The following CAPN1 variants were observed in gnomAD, a reference collection of about 807,000 sequenced individuals.
The protein encoded by CAPN1 is calpain-1 catalytic subunit.
In CAPN1, 77 loss-of-function variants were observed where a neutral mutation model predicts 105.2. The ratio of observed to expected loss-of-function variants is 0.73; its 90% CI spans 0.61 to 0.88. The LOEUF is 0.88. Ranked by LOEUF, CAPN1 falls within the 40% of genes least tolerant of loss-of-function variation. The pLI, the probability that CAPN1 is intolerant of heterozygous loss-of-function variation, is 0.00. For missense variants in CAPN1, 833 were observed against 976.6 expected, an observed-to-expected ratio of 0.85 and a Z score of 1.96; for synonymous variants, 355 against 388.8, an observed-to-expected ratio of 0.91 and a Z score of 1.02.
intron 11 of CAPN1, among the ~76,000 whole-genome samples, chr11:65,205,168 G>C (rs17886824): frequency 6.6e-6 from 1 of 152,224 alleles, no homozygotes. Context: ...ATGCCTGGGA[G>C]TACTGAGCCC....
At chr11:65,207,101 C>G (rs1948972539) in intron 14 of CAPN1, among the ~76,000 whole-genome samples, 1 of 152,146 alleles carries the variant, frequency 6.6e-6, no homozygotes, top group African/African-American at 2.4e-5. Context: ...TCAACCCTGT[C>G]CGGGTCTTGT....
intron 10 of CAPN1, among the ~76,000 whole-genome samples, chr11:65,200,029 A>G (rs934956821): frequency 6.6e-6 from 1 of 152,124 alleles, no homozygotes; most frequent in African/African-American, 2.4e-5. Flanking sequence ...AATGCCACCA[A>G]TCCAGAACAC....
chr11:65,195,656 G>C (rs982203723), intron 10 of CAPN1, among the ~76,000 whole-genome samples: 1 of 151,994 alleles, frequency 6.6e-6, no homozygotes, highest in Non-Finnish European at 1.5e-5. Context: ...GGAGGGGGTG[G>C]ATTTTTGCAT....
At chr11:65,187,148 G>T in intron 6 of CAPN1, 67 bp from the exon 7 acceptor site, 1 of 1,179,650 alleles carries the variant, frequency 8.5e-7, no homozygotes. Flanking sequence ...GACCCTGAGT[G>T]CTGGGGGCTC....
chr11:65,193,751 T>C (rs1051070456), intron 10 of CAPN1, among the ~76,000 whole-genome samples: 2 of 151,768 alleles, frequency 1.3e-5, no homozygotes, highest in Admixed American at 1.3e-4. Flanking sequence ...GGTCTTGCTC[T>C]ATTGCCCAGG....
intron 10 of CAPN1, among the ~76,000 whole-genome samples, 175 bp from the exon 11 acceptor site, chr11:65,204,508 C>G (rs1353971360): frequency 3.9e-5 from 6 of 152,196 alleles, no homozygotes; most frequent in Non-Finnish European, 8.8e-5. Context: ...AAATGCAGGC[C>G]GTGAGGGCAT....
upstream of CAPN1, chr11:65,181,580 C>T: frequency 2.4e-6 from 1 of 415,722 alleles, no homozygotes; most frequent in Non-Finnish European, 4.8e-6. This position sits in a 1 kb window ranked among gnomAD's most constrained non-coding sequence, Gnocchi z 4.6. Context: ...CCGTCCGGCC[C>T]TGCAACTCGA....
In CAPN1 at chr11:65,206,836, C is replaced by A; in HGVS notation, c.1605+17C>A. On this transcript the variant is annotated intron_variant, in intron 14 of 21. Transcript: ENST00000279247. ...CCCGATGAGGTGCGTGGTCCCACCCCACCAGGCCCCGTCCTCCTCTCTTCC... is the reference window on the plus strand; with the variant it reads ...CCCGATGAGGTGCGTGGTCCCACCCAACCAGGCCCCGTCCTCCTCTCTTCC... 1 of 1,607,436 alleles carries A rather than the reference C, an allele frequency of 6.2e-7. No homozygotes were observed. Among genetic ancestry groups the A allele is most frequent in the East Asian group, 2.2e-5 (1 of 44,582 alleles).
intron 10 of CAPN1, among the ~76,000 whole-genome samples, chr11:65,195,099 GGTTTT>G (rs1948772807): frequency 8.2e-6 from 1 of 121,830 alleles, no homozygotes. Flanking sequence ...AGTTTTTTGG[GGTTTT>G]TTTTTTTTTT....
At chr11:65,187,418 C>T (rs1948650651) in intron 7 of CAPN1, 120 bp downstream of exon 7, 1 of 676,168 alleles carries the variant, frequency 1.5e-6, no homozygotes, top group African/African-American at 1.8e-5. Context: ...CCTCCTGCAG[C>T]ACCTTATCTC....
intron 13 of CAPN1, 22 bp from the exon 14 acceptor site, chr11:65,206,758 C>T: frequency 6.2e-7 from 1 of 1,612,650 alleles, no homozygotes; most frequent in Non-Finnish European, 8.5e-7. Flanking sequence ...TGACTGGCTC[C>T]TTTCCTCCCC....
chr11:65,189,722 CCATT>C (rs372720643), intron 10 of CAPN1, among the ~76,000 whole-genome samples: 84 of 152,316 alleles, frequency 5.5e-4, no homozygotes, highest in African/African-American at 1.9e-3. Flanking sequence ...GGCTTGGGAA[CCATT>C]GAGTGTGGCA....
In CAPN1 at chr11:65,210,704, G is replaced by A. The variant is rs1018419912; in HGVS notation, c.2060-110G>A. The A allele has an allele frequency of 4.7e-5, 42 of 890,386 alleles. 1 individual carries two copies. Among genetic ancestry groups the A allele is most frequent in the South Asian group, 1.6e-4 (12 of 74,836 alleles). 55.2% of individuals were successfully genotyped at this position (890,386 alleles called of 1,614,324 possible). A position where few individuals can be genotyped will look rare whatever the true frequency, so the allele number is the denominator to read the frequency against. ...CCAGCTTCAAGGGGTGTCAGCTTGCGGTACTGTGGGGAGGTAGAGAGGGAC... is the reference window on the plus strand; with the variant it reads ...CCAGCTTCAAGGGGTGTCAGCTTGCAGTACTGTGGGGAGGTAGAGAGGGAC... On this transcript the variant is annotated intron_variant, in intron 20 of 21. Coordinates refer to ENST00000279247, the MANE Select transcript of CAPN1 (RefSeq NM_005186.4). This position sits in a 1 kb window ranked among gnomAD's most constrained non-coding sequence, Gnocchi z 4.3.
intron 10 of CAPN1, among the ~76,000 whole-genome samples, chr11:65,199,054 C>T (rs1256934181): frequency 1.3e-5 from 2 of 152,148 alleles, no homozygotes; most frequent in African/African-American, 4.8e-5. Context: ...AGGCTAGTCT[C>T]GAACACCTGG....
In CAPN1 at chr11:65,188,209, GC is replaced by G; in HGVS notation, c.929+173del. The G allele has an allele frequency of 1.5e-6, 1 of 683,984 alleles. No individual in the cohort carries two copies. The highest frequency in any genetic ancestry group is 2.5e-6 in the Non-Finnish European group (1 of 405,116). 42.4% of individuals were successfully genotyped at this position (683,984 alleles called of 1,614,324 possible). A position where few individuals can be genotyped will look rare whatever the true frequency, so the allele number is the denominator to read the frequency against. On this transcript the variant is annotated intron_variant, in intron 8 of 21. Transcript: ENST00000279247. The surrounding 1 kb of genome is among the most constrained non-coding windows in gnomAD (Gnocchi z 5.5). ...CTCTGACAAAGCTCAGGCCGTGCGG[GC>G]CCCTGTGCCCAGCCGTCGGGTGTGT...
chr11:65,188,224 C>T lies in CAPN1; in HGVS notation c.929+184C>T, dbSNP rs566828162. 2.5e-4 allele frequency: 168 copies of T among 683,016 alleles called. 2 individuals carry two copies. The South Asian group carries it at 2.9e-3, about 12-fold the overall frequency. 42.3% of individuals were successfully genotyped at this position (683,016 alleles called of 1,614,324 possible). ...GGCCGTGCGGGCCCCTGTGCCCAGC[C>T]GTCGGGTGTGTGCAGGGCATCAGAC... On this transcript the variant is annotated intron_variant, in intron 8 of 21. Coordinates refer to ENST00000279247, the MANE Select transcript of CAPN1 (RefSeq NM_005186.4). The surrounding 1 kb of genome is among the most constrained non-coding windows in gnomAD (Gnocchi z 5.5).
chr11:65,183,318 G>T (rs1035400636), intron 3 of CAPN1, 121 bp downstream of exon 3: 30 of 1,169,230 alleles, frequency 2.6e-5, no homozygotes, highest in Non-Finnish European at 3.5e-5. Context: ...GGCTATCAGC[G>T]CTGGGGCTGG....
At chr11:65,200,849 T>G (rs1590860434) in intron 10 of CAPN1, among the ~76,000 whole-genome samples, 1 of 150,958 alleles carries the variant, frequency 6.6e-6, no homozygotes, top group East Asian at 1.9e-4. Context: ...GCTAGGCTGG[T>G]GTTGAACTCC....
rs959375829 is a variant in CAPN1 at position 65,209,914 on chromosome 11, C to T, written c.1860C>T (p.Tyr620=). 4 of 1,613,514 alleles carry T rather than the reference C, an allele frequency of 2.5e-6. No individual in the cohort carries two copies. The highest frequency in any genetic ancestry group is 2.7e-5 in the African/African-American group (2 of 74,898). ...TCCTGTGGAACCGCATCCGGAATTA[C>T]CTGGTAGGTTGTCCCCACTCACCTC... The part of the protein sequence containing the change: ...FNILWNRIRN[Y]LSIFRKFDLD... Residue 620 remains tyrosine (Y), a synonymous_variant, in exon 18 of 22, where the codon TAC becomes TAT. Transcript: ENST00000279247. The surrounding 1 kb of genome is among the most constrained non-coding windows in gnomAD (Gnocchi z 4.1).
Sources: gnomAD v4.1 joint callset for allele counts (sites outside exome capture counted in the v4.1 genomes callset) on GRCh38, gnomAD v4.1.1 for gene constraint, Gnocchi (gnomAD v3.1) non-coding constraint, MANE v1.5 for transcripts, NCBI Gene and HGNC (gene_info 2026-07-23, HGNC 2026-07-21) for gene names.